ADIPOR2: variants seen among roughly 807,000 people sequenced by gnomAD.
ADIPOR2 encodes the protein adiponectin receptor protein 2.
Under a neutral mutation model 40.9 loss-of-function variants are expected in ADIPOR2, and 18 were observed. The observed-to-expected ratio is 0.44, with a 90% CI of 0.30 to 0.65. ADIPOR2 has a LOEUF of 0.65. Ranked by LOEUF, ADIPOR2 falls within the 30% of genes least tolerant of loss-of-function variation. The probability of loss-of-function intolerance (pLI) is 0.09; values close to 1 mark genes in which losing one functional copy is unlikely to be tolerated. For missense variants in ADIPOR2, 283 were observed against 479.2 expected (o/e 0.59, Z 3.82); for synonymous variants, 165 against 166.4 (o/e 0.99, Z 0.06).
At chr12:1,775,707 G>C (rs1010396994) in intron 3 of ADIPOR2, among the ~76,000 whole-genome samples, 1 of 152,128 alleles carries the variant, frequency 6.6e-6, no homozygotes, top group Non-Finnish European at 1.5e-5. Context: ...ATTCTGTAAG[G>C]TTAATCTCAA....
chr12:1,730,639 C>T (rs975208124), intron 1 of ADIPOR2: 1 of 147,246 alleles, frequency 6.8e-6, no homozygotes, highest in African/African-American at 2.5e-5. Flanking sequence ...CAAAAAAAAC[C>T]AAACAACACT....
intron 1 of ADIPOR2, among the ~76,000 whole-genome samples, chr12:1,712,311 G>T (rs2094679082): frequency 6.6e-6 from 1 of 152,164 alleles, no homozygotes; most frequent in Non-Finnish European, 1.5e-5. Context: ...CCCTCAAGGA[G>T]TAGCACCTGG....
At chr12:1,738,425 A>T (rs1169038303) in intron 1 of ADIPOR2, among the ~76,000 whole-genome samples, 1 of 152,048 alleles carries the variant, frequency 6.6e-6, no homozygotes, top group East Asian at 1.9e-4. Context: ...TGTAAATTTA[A>T]CTCTGTATTG....
At chr12:1,782,976 CTTTTTTTTTTTTTT>C (rs71055199) in intron 6 of ADIPOR2, among the ~76,000 whole-genome samples, 26 of 109,754 alleles carry the variant, frequency 2.4e-4, no homozygotes, top group African/African-American at 2.9e-4. Flanking sequence ...TTCTTTCTTT[CTTTTTTTTTTTTTT>C]TTTTTTTTTT....
At chr12:1,696,301 C>G (rs11061927) in intron 1 of ADIPOR2, 43,043 of 164,324 alleles carry the variant, frequency 0.26, 6,320 homozygotes, top group Admixed American at 0.44. Context: ...TCAACAGATT[C>G]ACCAGCAGCA....
intron 1 of ADIPOR2, among the ~76,000 whole-genome samples, chr12:1,741,477 G>A (rs1160381705): frequency 1.3e-5 from 2 of 152,158 alleles, no homozygotes. Context: ...ATAGTGTTGT[G>A]TAATACTGTC....
At chr12:1,751,924 C>CT (rs59026188) in intron 1 of ADIPOR2, among the ~76,000 whole-genome samples, 10,381 of 144,072 alleles carry the variant, frequency 0.072, 996 homozygotes, top group African/African-American at 0.21. Context: ...TTCTTTCTTT[C>CT]TTTTTTTTTT....
intron 1 of ADIPOR2, among the ~76,000 whole-genome samples, chr12:1,732,001 A>T (rs200016994): frequency 0.037 from 297 of 7,922 alleles, 2 homozygotes; most frequent in African/African-American, 0.048. Context: ...AAGTTTATTT[A>T]AAAAAAAAAA....
rs1423800365 is a variant in ADIPOR2 at position 1,721,044 on chromosome 12, C to T, written c.-87+29853C>T. Among the ~76,000 whole-genome samples the T allele has an allele frequency of 2.6e-5, 4 of 152,158 alleles. 1 individual carries two copies. Among genetic ancestry groups the T allele is most frequent in the Middle Eastern group, 3.4e-3 (1 of 294 alleles). ...TTTGCTTTAAGTTGTCCTGCCTTTCCAGACCAAACCAATGTACTTCTTACA... is the reference window on the plus strand; with the variant it reads ...TTTGCTTTAAGTTGTCCTGCCTTTCTAGACCAAACCAATGTACTTCTTACA... On this transcript the variant is annotated intron_variant, in intron 1 of 7. Coordinates refer to ENST00000357103, the MANE Select transcript of ADIPOR2 (RefSeq NM_024551.3).
rs1432255047 is a variant in ADIPOR2 at position 1,763,624 on chromosome 12, A to AATAGATTGGTGGTTATCTGTCTCC, written c.171+9112_171+9135dup. ...TTAGATTTGTATTTATCTTATAAAAAATAGATTGGTGGTTATCTGTCTCCA... is the reference window on the plus strand; with the variant it reads ...TTAGATTTGTATTTATCTTATAAAAAATAGATTGGTGGTTATCTGTCTCCATAGATTGGTGGTTATCTGTCTCCA... On this transcript the variant is annotated intron_variant, in intron 2 of 7. Coordinates refer to ENST00000357103, the MANE Select transcript of ADIPOR2 (RefSeq NM_024551.3). Among the ~76,000 whole-genome samples, 12 of 152,314 alleles carry AATAGATTGGTGGTTATCTGTCTCC rather than the reference A, an allele frequency of 7.9e-5. No homozygotes were observed. In the East Asian group the frequency reaches 2.3e-3, roughly 29 times the overall value.
Position 1,738,211 on chromosome 12 carries a change from A to C in ADIPOR2, c.-86-16047A>C, listed in dbSNP as rs1329995171. 9.6e-4 allele frequency among the ~76,000 whole-genome samples: 51 copies of C among 52,892 alleles called. No homozygotes were observed. The East Asian group carries it at 0.041, about 43-fold the overall frequency. The allele number at this position is 52,892 out of a possible 152,430, so 34.7% of individuals were successfully genotyped here. ...AACATGAAGAAACCCTGTCTCTACA[A>C]AAAAAAAAAAAAAAAAAAAGTTAAC... On this transcript the variant is annotated intron_variant, in intron 1 of 7. Transcript: ENST00000357103.
At chr12:1,753,183 C>T (rs1366526112) in intron 1 of ADIPOR2, among the ~76,000 whole-genome samples, 1 of 152,180 alleles carries the variant, frequency 6.6e-6, no homozygotes, top group Non-Finnish European at 1.5e-5. Flanking sequence ...CCACTAAGAA[C>T]CTTGAACCTC....
intron 1 of ADIPOR2, among the ~76,000 whole-genome samples, chr12:1,695,504 A>T (rs201647338): frequency 0.051 from 7,765 of 151,596 alleles, 301 homozygotes; most frequent in East Asian, 0.18. Context: ...AAAATATATT[A>T]AAAAAAAAAT....
rs565619469 is a variant in ADIPOR2 at position 1,739,747 on chromosome 12, A to G, written c.-86-14511A>G. Among the ~76,000 whole-genome samples the G allele has an allele frequency of 3.3e-5, 5 of 152,304 alleles. No individual in the cohort carries two copies. The South Asian group carries it at 1.0e-3, about 32-fold the overall frequency. ...GAGCCTTCTTTAGAGTGTTATGAGCACTGACTTTTTATGACCTCAATCACA... is the reference window on the plus strand; with the variant it reads ...GAGCCTTCTTTAGAGTGTTATGAGCGCTGACTTTTTATGACCTCAATCACA... On this transcript the variant is annotated intron_variant, in intron 1 of 7. Coordinates refer to ENST00000357103, the MANE Select transcript of ADIPOR2 (RefSeq NM_024551.3).
intron 2 of ADIPOR2, among the ~76,000 whole-genome samples, chr12:1,769,621 A>T (rs546098758): frequency 6.6e-6 from 1 of 151,530 alleles, no homozygotes. Context: ...GCTCACTGCA[A>T]CCCCCACCTC....
At chr12:1,694,679 C>T (rs1042606174) in intron 1 of ADIPOR2, among the ~76,000 whole-genome samples, 4 of 152,204 alleles carry the variant, frequency 2.6e-5, no homozygotes, top group African/African-American at 9.7e-5. Context: ...TTCTCATGCG[C>T]TAGTTTCCAG....
intron 1 of ADIPOR2, among the ~76,000 whole-genome samples, chr12:1,710,494 C>A (rs1467904053): frequency 6.6e-6 from 1 of 152,056 alleles, no homozygotes; most frequent in African/African-American, 2.4e-5. Flanking sequence ...TTTTTCCTTA[C>A]AATTCAGGGG....
At chr12:1,732,778 A>G (rs1362908709) in intron 1 of ADIPOR2, among the ~76,000 whole-genome samples, 1 of 152,204 alleles carries the variant, frequency 6.6e-6, no homozygotes, top group African/African-American at 2.4e-5. Context: ...GATAACATAA[A>G]CAATCTTCAT....
At chr12:1,697,612 ATTC>A (rs1397324263) in intron 1 of ADIPOR2, 7 of 152,398 alleles carry the variant, frequency 4.6e-5, no homozygotes, top group African/African-American at 1.7e-4. Context: ...TTACAGTTAT[ATTC>A]TTGCTATCAG....
Sources: gnomAD v4.1 joint callset for allele counts (sites outside exome capture counted in the v4.1 genomes callset) on GRCh38, gnomAD v4.1.1 for gene constraint, MANE v1.5 for transcripts, NCBI Gene and HGNC (gene_info 2026-07-23, HGNC 2026-07-21) for gene names.